Variants in THSD4 observed in about 807,000 individuals in gnomAD.
The protein encoded by THSD4 is thrombospondin type-1 domain-containing protein 4.
THSD4 carries 69 observed loss-of-function variants against 119.0 expected under a neutral mutation model. The observed-to-expected ratio is 0.58, with a 90% CI of 0.48 to 0.71. THSD4 has a LOEUF of 0.71. Among genes scored for constraint, THSD4 ranks in the 30% least tolerant of loss-of-function variants. The pLI is 0.00. For synonymous variants in THSD4, 524 were observed against 540.4 expected, an observed-to-expected ratio of 0.97 and a Z score of 0.42; for missense variants, 1,393 against 1,391.1, an observed-to-expected ratio of 1.00 and a Z score of -0.02.
chr15:71,637,601 G>A (rs755760546), intron 7 of THSD4, among the ~76,000 whole-genome samples: 9 of 152,212 alleles, frequency 5.9e-5, no homozygotes, highest in Non-Finnish European at 1.2e-4. Flanking sequence ...CAATGATTAT[G>A]TGGAAGTGGG....
intron 8 of THSD4, among the ~76,000 whole-genome samples, chr15:71,727,654 C>T (rs2052886953): frequency 6.9e-6 from 1 of 145,042 alleles, no homozygotes; most frequent in Non-Finnish European, 1.5e-5. Flanking sequence ...CCTATAGTCC[C>T]AGCTACTCAG....
chr15:71,709,409 A>G (rs1445113217), intron 8 of THSD4, among the ~76,000 whole-genome samples: 2 of 152,166 alleles, frequency 1.3e-5, no homozygotes, highest in Non-Finnish European at 2.9e-5. Flanking sequence ...TGGAAAGCTG[A>G]GCTGCAGCAA....
intron 7 of THSD4, among the ~76,000 whole-genome samples, chr15:71,609,544 GGA>G (rs1567060972): frequency 1.3e-5 from 2 of 151,958 alleles, no homozygotes; most frequent in Non-Finnish European, 2.9e-5. Context: ...ACACATGGAG[GGA>G]GAGAGTATAA....
intron 7 of THSD4, among the ~76,000 whole-genome samples, chr15:71,475,754 C>A (rs567219834): frequency 6.6e-6 from 1 of 152,218 alleles, no homozygotes; most frequent in African/African-American, 2.4e-5. Context: ...GAGACTCTGT[C>A]TCTACAAAAT....
intron 6 of THSD4, among the ~76,000 whole-genome samples, chr15:71,292,513 C>CT (rs2140326630): frequency 6.6e-6 from 1 of 152,184 alleles, no homozygotes; most frequent in African/African-American, 2.4e-5. Flanking sequence ...ATTTGCTCGA[C>CT]TGTCTTCTAA....
chr15:71,518,184 C>A lies in THSD4; in HGVS notation c.1152+106361C>A, dbSNP rs1264877346. ...AATTGAAAGTTTCCCTTACTTCTTGCGGGGAAACCTGTTTACCTCCCCCCA... is the reference window on the plus strand; with the variant it reads ...AATTGAAAGTTTCCCTTACTTCTTGAGGGGAAACCTGTTTACCTCCCCCCA... On this transcript the variant is annotated intron_variant, in intron 7 of 17. Transcript: ENST00000261862. Among the ~76,000 whole-genome samples the A allele has an allele frequency of 2.0e-5, 3 of 152,154 alleles. No individual in the cohort carries two copies. The East Asian group carries it at 5.8e-4, about 29-fold the overall frequency.
chr15:71,227,728 A>C (rs2044030041), intron 4 of THSD4, among the ~76,000 whole-genome samples: 1 of 152,194 alleles, frequency 6.6e-6, no homozygotes, highest in Admixed American at 6.5e-5. Flanking sequence ...TGACTCTAAC[A>C]TCCTTGCTCT....
intron 1 of THSD4, among the ~76,000 whole-genome samples, chr15:71,128,526 CAA>C (rs60507084): frequency 9.9e-5 from 13 of 131,736 alleles, no homozygotes; most frequent in Admixed American, 1.6e-4. Context: ...GACTCTGCCT[CAA>C]AAAAAAAAAA....
intron 1 of THSD4, among the ~76,000 whole-genome samples, chr15:71,134,183 G>A (rs1232495756): frequency 6.6e-6 from 1 of 152,224 alleles, no homozygotes; most frequent in Non-Finnish European, 1.5e-5. Context: ...GTAGGAGAAA[G>A]GACTGTGAGC....
intron 7 of THSD4, among the ~76,000 whole-genome samples, chr15:71,619,315 A>T (rs554730979): frequency 4.8e-4 from 73 of 152,252 alleles, no homozygotes; most frequent in African/African-American, 1.7e-3. Flanking sequence ...TACATATCTT[A>T]CAGATTTTTA....
intron 8 of THSD4, among the ~76,000 whole-genome samples, chr15:71,676,864 T>G (rs1398895087): frequency 6.6e-6 from 1 of 152,260 alleles, no homozygotes; most frequent in African/African-American, 2.4e-5. Flanking sequence ...GATGGGCACC[T>G]GGGCTGTTTC....
intron 7 of THSD4, among the ~76,000 whole-genome samples, chr15:71,622,790 C>A (rs2050440777): frequency 6.6e-6 from 1 of 152,000 alleles, no homozygotes; most frequent in Non-Finnish European, 1.5e-5. Context: ...TTTAGGGAGA[C>A]CTTTGATCAT....
chr15:71,097,867 A>G (rs916725429), intron 1 of THSD4, among the ~76,000 whole-genome samples: 2 of 151,962 alleles, frequency 1.3e-5, no homozygotes, highest in Non-Finnish European at 2.9e-5. Flanking sequence ...AAACTGAGGC[A>G]AGTTTTTTGC....
At chr15:71,653,373 C>T (rs1301451605) in intron 7 of THSD4, among the ~76,000 whole-genome samples, 3 of 152,182 alleles carry the variant, frequency 2.0e-5, no homozygotes, top group Non-Finnish European at 2.9e-5. Context: ...ATGTGCTCCT[C>T]GGTGTCCCAT....
At chr15:71,579,422 G>C (rs1340364940) in intron 7 of THSD4, among the ~76,000 whole-genome samples, 1 of 152,194 alleles carries the variant, frequency 6.6e-6, no homozygotes, top group Non-Finnish European at 1.5e-5. Context: ...CGATGAGAAA[G>C]GGAACTGGAA....
chr15:71,651,191 C>G (rs749936582), intron 7 of THSD4, among the ~76,000 whole-genome samples: 13 of 152,226 alleles, frequency 8.5e-5, no homozygotes, highest in Non-Finnish European at 1.8e-4. Flanking sequence ...CTTCCTTACT[C>G]CACCTTTGGT....
intron 7 of THSD4, among the ~76,000 whole-genome samples, chr15:71,548,367 G>A (rs2048872144): frequency 6.6e-6 from 1 of 152,192 alleles, no homozygotes; most frequent in African/African-American, 2.4e-5. Flanking sequence ...AAGGCCATGA[G>A]GCCACTTCAC....
Position 71,284,382 on chromosome 15 carries a change from C to T in THSD4, c.1015+27667C>T, listed in dbSNP as rs574411188. On this transcript the variant is annotated intron_variant, in intron 6 of 17. Coordinates refer to ENST00000261862, the MANE Select transcript of THSD4 (RefSeq NM_024817.3). ...TATATATTGAGAACAGAAATTCATA[C>T]ACATAAGTGTTGGGGCATTCCACAC... 1.6e-4 allele frequency among the ~76,000 whole-genome samples: 25 copies of T among 152,280 alleles called. No homozygotes were observed. In the South Asian group the frequency reaches 4.8e-3, roughly 29 times the overall value.
chr15:71,668,556 C>T (rs766798293), intron 8 of THSD4, among the ~76,000 whole-genome samples: 1 of 152,190 alleles, frequency 6.6e-6, no homozygotes, highest in Non-Finnish European at 1.5e-5. Flanking sequence ...CCAGCACACA[C>T]ACACATTCAG....
Sources: allele counts gnomAD v4.1 joint callset (sites outside exome capture counted in the v4.1 genomes callset), GRCh38; gene constraint gnomAD v4.1.1; transcripts MANE v1.5; gene names NCBI Gene and HGNC (gene_info 2026-07-23, HGNC 2026-07-21).